FAM135B: variants seen among roughly 807,000 people sequenced by gnomAD.
FAM135B encodes the protein protein FAM135B.
Under a neutral mutation model 127.7 loss-of-function variants are expected in FAM135B, and 43 were observed. The observed-to-expected ratio is 0.34, with a 90% confidence interval of 0.26 to 0.43. FAM135B has a LOEUF of 0.43. FAM135B is among the 20% of genes least tolerant of loss of function. The pLI, the probability that FAM135B is intolerant of heterozygous loss-of-function variation, is 1.00. For missense variants in FAM135B, 1,558 were observed against 1,725.6 expected (o/e 0.90, Z 1.72); for synonymous variants, 670 against 665.1 (o/e 1.01, Z -0.11).
chr8:138,136,998 A>C, intron 19 of FAM135B, 149 bp downstream of exon 19: 4 of 616,908 alleles, frequency 6.5e-6, no homozygotes, highest in South Asian at 5.9e-5. Flanking sequence ...AGTAACATCG[A>C]GATGAGCTAT....
chr8:138,403,187 T>A (rs1216326633), intron 1 of FAM135B, among the ~76,000 whole-genome samples: 6 of 152,168 alleles, frequency 3.9e-5, no homozygotes, highest in Non-Finnish European at 8.8e-5. Context: ...CAGCAAAACA[T>A]ACTGATGATC....
chr8:138,250,377 CAAAT>C (rs1283166494), intron 6 of FAM135B, among the ~76,000 whole-genome samples: 1 of 152,036 alleles, frequency 6.6e-6, no homozygotes, highest in African/African-American at 2.4e-5. Flanking sequence ...AACAAACAAA[CAAAT>C]GAATGAACCT....
intron 2 of FAM135B, among the ~76,000 whole-genome samples, chr8:138,339,457 C>G (rs1828887803): frequency 6.6e-6 from 1 of 151,848 alleles, no homozygotes; most frequent in Non-Finnish European, 1.5e-5. Flanking sequence ...CCATTCTCCT[C>G]TCTTCTTCCC....
At chr8:138,220,899 T>C (rs1818976805) in intron 7 of FAM135B, among the ~76,000 whole-genome samples, 1 of 152,218 alleles carries the variant, frequency 6.6e-6, no homozygotes, top group Admixed American at 6.5e-5. Flanking sequence ...GAAACAAATG[T>C]ACTCACCCAC....
At chr8:138,312,093 C>T (rs1858418) in intron 2 of FAM135B, among the ~76,000 whole-genome samples, 142,552 of 152,080 alleles carry the variant, frequency 0.94, 67,133 homozygotes, top group Non-Finnish European at 0.98. Flanking sequence ...ACTAGAGGCA[C>T]GCACCACCAC....
intron 9 of FAM135B, among the ~76,000 whole-genome samples, chr8:138,184,482 G>A (rs889923783): frequency 2.6e-5 from 4 of 152,176 alleles, no homozygotes; most frequent in Non-Finnish European, 5.9e-5. Flanking sequence ...GGGGCCTTGT[G>A]GTTACAGAAG....
intron 1 of FAM135B, among the ~76,000 whole-genome samples, chr8:138,475,920 T>C (rs562672569): frequency 5.3e-5 from 8 of 152,226 alleles, no homozygotes; most frequent in Non-Finnish European, 1.2e-4. Flanking sequence ...TGAATGTTTA[T>C]AGTAGCTTTA....
At position 138,197,658 on chromosome 8, in the gene FAM135B, G is replaced by A. The variant is rs1816765891; in HGVS notation, c.681C>T (p.Tyr227=). Residue 227 remains tyrosine, a synonymous_variant, in exon 8 of 20, where the codon TAC becomes TAT. Coordinates refer to ENST00000395297, the MANE Select transcript of FAM135B (RefSeq NM_015912.4). ...GCTGCATGCAGTTCTCAGAGGTGAT[G>A]TAGAAGCTTCCCTAAGGGGTGAAAC... The part of the protein sequence containing the change: ...CKPTSSEGSF[Y]ITSENCMQHA... 1.9e-6 allele frequency: 3 copies of A among 1,613,956 alleles called. No homozygotes were observed. Among genetic ancestry groups the A allele is most frequent in the Non-Finnish European group, 2.5e-6 (3 of 1,179,820 alleles).
At chr8:138,413,458 G>A (rs965690373) in intron 1 of FAM135B, among the ~76,000 whole-genome samples, 1 of 152,138 alleles carries the variant, frequency 6.6e-6, no homozygotes, top group African/African-American at 2.4e-5. Flanking sequence ...CCCTTTGGAC[G>A]AAGTGTTCCT....
At chr8:138,278,486 G>A (rs1824003086) in intron 3 of FAM135B, among the ~76,000 whole-genome samples, 1 of 150,866 alleles carries the variant, frequency 6.6e-6, no homozygotes, top group Admixed American at 6.6e-5. Flanking sequence ...TGACAGTGCT[G>A]CTTTAGACCA....
chr8:138,148,912 T>C (rs568143905), intron 13 of FAM135B: 92 of 201,532 alleles, frequency 4.6e-4, no homozygotes, highest in African/African-American at 2.2e-3. Flanking sequence ...TTCTCACTCA[T>C]AGGTGGGAAT....
intron 8 of FAM135B, 108 bp from the exon 9 acceptor site, chr8:138,195,415 G>T: frequency 9.7e-7 from 1 of 1,025,926 alleles, no homozygotes; most frequent in Non-Finnish European, 1.5e-6. Flanking sequence ...ACGTCACAGA[G>T]ACAAACACAT....
intron 1 of FAM135B, among the ~76,000 whole-genome samples, chr8:138,456,711 T>A (rs1015924324): frequency 3.3e-5 from 5 of 152,196 alleles, no homozygotes; most frequent in African/African-American, 1.2e-4. Context: ...AAATGGTGAT[T>A]TCCCCATATT....
chr8:138,245,996 T>C (rs1203880981), intron 6 of FAM135B, among the ~76,000 whole-genome samples: 1 of 152,176 alleles, frequency 6.6e-6, no homozygotes, highest in Non-Finnish European at 1.5e-5. Context: ...ACAAAGATGA[T>C]TCTTGCTATG....
chr8:138,143,560 G>C (rs893606857), intron 15 of FAM135B, among the ~76,000 whole-genome samples: 1 of 152,162 alleles, frequency 6.6e-6, no homozygotes, highest in Non-Finnish European at 1.5e-5. Context: ...AGTCAGCTTT[G>C]GGAAGGATCG....
chr8:138,206,497 C>T (rs1817640259), intron 7 of FAM135B, among the ~76,000 whole-genome samples: 1 of 151,164 alleles, frequency 6.6e-6, no homozygotes, highest in Non-Finnish European at 1.5e-5. Context: ...CTCTATCATC[C>T]CCTCGACCTA....
chr8:138,294,280 C>T (rs551790262), intron 3 of FAM135B, among the ~76,000 whole-genome samples: 12 of 152,042 alleles, frequency 7.9e-5, no homozygotes, highest in Non-Finnish European at 1.3e-4. Flanking sequence ...AAAAATTGCA[C>T]GCTGGGTACC....
Position 138,320,074 on chromosome 8 carries a change from G to A in FAM135B, c.78-9154C>T, listed in dbSNP as rs139678983. 7.9e-5 allele frequency among the ~76,000 whole-genome samples: 12 copies of A among 152,260 alleles called. No individual in the cohort carries two copies. The East Asian group carries it at 2.1e-3, about 27-fold the overall frequency. On this transcript the variant is annotated intron_variant, in intron 2 of 19. Coordinates refer to ENST00000395297, the MANE Select transcript of FAM135B (RefSeq NM_015912.4). ...ATGGAGACTCCTCTAGCGCCTCCAC[G>A]CAGTAATACAATCCAGCAGGAATAC...
intron 3 of FAM135B, among the ~76,000 whole-genome samples, chr8:138,275,905 A>C (rs569259154): frequency 7.9e-5 from 12 of 152,268 alleles, no homozygotes; most frequent in Admixed American, 1.3e-4. Context: ...TGACTGACCA[A>C]AGCTCCAAGT....
Sources: allele counts gnomAD v4.1 joint callset (sites outside exome capture counted in the v4.1 genomes callset), GRCh38; gene constraint gnomAD v4.1.1; transcripts MANE v1.5; gene names NCBI Gene and HGNC (gene_info 2026-07-23, HGNC 2026-07-21).